Variants in SGCZ observed in about 807,000 individuals in gnomAD.
SGCZ encodes sarcoglycan zeta, also known as zeta-sarcoglycan.
A neutral mutation model predicts 41.3 loss-of-function variants in SGCZ; 40 were observed. That is an observed-to-expected ratio of 0.97 (90% CI 0.75 to 1.26). The LOEUF (loss-of-function observed/expected upper bound fraction) is 1.26. SGCZ is among the 50% of genes most tolerant of loss of function. The pLI is 0.00. For missense variants in SGCZ, 552 were observed against 369.8 expected (o/e 1.49, Z -4.04); for synonymous variants, 206 against 137.5 (o/e 1.50, Z -3.49).
chr8:15,006,641 A>T (rs1307881931), intron 1 of SGCZ, among the ~76,000 whole-genome samples: 4 of 152,182 alleles, frequency 2.6e-5, no homozygotes, highest in Non-Finnish European at 5.9e-5. Flanking sequence ...ATAAGAAATC[A>T]CAGGACTCAT....
chr8:14,226,390 T>G (rs570289854), intron 4 of SGCZ, among the ~76,000 whole-genome samples: 1 of 152,094 alleles, frequency 6.6e-6, no homozygotes, highest in Admixed American at 6.6e-5. Context: ...GCTTTGTACC[T>G]AAACCCTCCC....
chr8:14,636,370 A>G (rs1806828973), intron 1 of SGCZ, among the ~76,000 whole-genome samples: 1 of 151,958 alleles, frequency 6.6e-6, no homozygotes, highest in Non-Finnish European at 1.5e-5. Context: ...CAGGTTCAAA[A>G]CAAGAAAAAA....
chr8:14,981,129 C>A (rs1172198326), intron 1 of SGCZ, among the ~76,000 whole-genome samples: 1 of 152,114 alleles, frequency 6.6e-6, no homozygotes, highest in Non-Finnish European at 1.5e-5. Flanking sequence ...AGAGCACATT[C>A]CCTTAGCCTT....
intron 1 of SGCZ, among the ~76,000 whole-genome samples, chr8:14,985,017 A>G (rs1801784790): frequency 1.3e-5 from 2 of 152,160 alleles, no homozygotes; most frequent in Admixed American, 6.5e-5. Flanking sequence ...ACGATGCTTT[A>G]TTAAACTGAC....
At chr8:15,115,376 G>A (rs1048962655) in intron 1 of SGCZ, among the ~76,000 whole-genome samples, 3 of 152,198 alleles carry the variant, frequency 2.0e-5, no homozygotes, top group Admixed American at 6.5e-5. Flanking sequence ...ATCTTCCTAT[G>A]AGGACATGAC....
intron 1 of SGCZ, among the ~76,000 whole-genome samples, chr8:14,714,905 C>G (rs1199566916): frequency 1.3e-5 from 2 of 151,882 alleles, no homozygotes; most frequent in Admixed American, 1.3e-4. Context: ...AAAATTAAAT[C>G]AATGTGAGAC....
intron 2 of SGCZ, among the ~76,000 whole-genome samples, chr8:14,392,879 A>G (rs964099446): frequency 6.6e-6 from 1 of 152,166 alleles, no homozygotes; most frequent in East Asian, 1.9e-4. Context: ...TTATGTTCTA[A>G]TAAAATATTA....
At chr8:14,220,956 T>A (rs1806171969) in intron 4 of SGCZ, among the ~76,000 whole-genome samples, 1 of 152,132 alleles carries the variant, frequency 6.6e-6, no homozygotes, top group Non-Finnish European at 1.5e-5. Context: ...AACACAATCC[T>A]GAGTCTTTGG....
chr8:14,998,399 G>C (rs13270347), intron 1 of SGCZ, among the ~76,000 whole-genome samples: 1 of 151,944 alleles, frequency 6.6e-6, no homozygotes, highest in African/African-American at 2.4e-5. Flanking sequence ...ATATAATTTA[G>C]TTTATATATA....
chr8:15,058,080 T>G (rs1455734786), intron 1 of SGCZ, among the ~76,000 whole-genome samples: 1 of 152,222 alleles, frequency 6.6e-6, no homozygotes, highest in Non-Finnish European at 1.5e-5. Context: ...CAACTGTTAA[T>G]TAATTTCACG....
In SGCZ at chr8:14,087,361, C is replaced by T. The variant is rs1424281095; in HGVS notation, c.*3082G>A. Among the ~76,000 whole-genome samples, 2 of 151,288 alleles carry T rather than the reference C, an allele frequency of 1.3e-5. No individual in the cohort carries two copies. Among genetic ancestry groups the T allele is most frequent in the African/African-American group, 4.8e-5 (2 of 41,260 alleles). ...CTGAAAAAGAAAAGAATAATGTGTC[C>T]TCTTTGCATCTTTCCTTTTGTGATC... is the stretch of plus-strand genomic sequence containing the variant. On this transcript the variant is annotated 3_prime_UTR_variant, in exon 8 of 8. Transcript: ENST00000382080.
intron 1 of SGCZ, among the ~76,000 whole-genome samples, chr8:14,786,828 G>A (rs1033999045): frequency 1.5e-5 from 2 of 134,790 alleles, no homozygotes; most frequent in Admixed American, 1.6e-4. Context: ...GGAAGAGTTG[G>A]AAAGCAGGTT....
At chr8:14,598,555 G>A (rs1299525963) in intron 1 of SGCZ, among the ~76,000 whole-genome samples, 1 of 151,308 alleles carries the variant, frequency 6.6e-6, no homozygotes, top group African/African-American at 2.4e-5. Flanking sequence ...CTAGACAGGG[G>A]TCCACTCTGT....
At chr8:14,993,993 C>T (rs1276483197) in intron 1 of SGCZ, among the ~76,000 whole-genome samples, 9 of 152,140 alleles carry the variant, frequency 5.9e-5, no homozygotes, top group Non-Finnish European at 8.8e-5. Flanking sequence ...TGGTAGGATA[C>T]GGCAGCAATC....
At chr8:15,182,366 T>C (rs1028419070) in intron 1 of SGCZ, among the ~76,000 whole-genome samples, 8 of 152,168 alleles carry the variant, frequency 5.3e-5, no homozygotes, top group Admixed American at 3.9e-4. Flanking sequence ...ATTTTTTCAT[T>C]GTGAAAACAA....
intron 1 of SGCZ, among the ~76,000 whole-genome samples, chr8:15,128,956 A>T (rs1344253685): frequency 2.0e-5 from 3 of 152,114 alleles, no homozygotes; most frequent in African/African-American, 7.2e-5. Context: ...AACTTGGTGA[A>T]TTCCAGCCAT....
chr8:15,222,757 G>C (rs184500883), intron 1 of SGCZ, among the ~76,000 whole-genome samples: 38 of 151,724 alleles, frequency 2.5e-4, no homozygotes, highest in African/African-American at 8.5e-4. Flanking sequence ...TAAACACAGA[G>C]TGTGTGTGTG....
At chr8:14,914,102 C>G (rs1585374156) in intron 1 of SGCZ, among the ~76,000 whole-genome samples, 1 of 151,732 alleles carries the variant, frequency 6.6e-6, no homozygotes, top group South Asian at 2.1e-4. Flanking sequence ...TGAGAGATTA[C>G]TCAGAAATAA....
chr8:14,947,893 G>T (rs1408719156), intron 1 of SGCZ, among the ~76,000 whole-genome samples: 1 of 152,110 alleles, frequency 6.6e-6, no homozygotes, highest in Non-Finnish European at 1.5e-5. Context: ...TCATCAGATT[G>T]ATTTTTGAAA....
Sources: gnomAD v4.1 joint callset for allele counts (sites outside exome capture counted in the v4.1 genomes callset) on GRCh38, gnomAD v4.1.1 for gene constraint, MANE v1.5 for transcripts, NCBI Gene and HGNC (gene_info 2026-07-23, HGNC 2026-07-21) for gene names.